Variants in TRIM37 observed in about 807,000 individuals in gnomAD.
TRIM37 encodes the protein E3 ubiquitin-protein ligase TRIM37.
In TRIM37, 80 loss-of-function variants were observed where a neutral mutation model predicts 129.8. The ratio of observed to expected loss-of-function variants is 0.62; its 90% CI spans 0.51 to 0.74. TRIM37 has a LOEUF of 0.74. Ranked by LOEUF, TRIM37 falls within the 30% of genes least tolerant of loss-of-function variation. TRIM37 has a pLI of 0.00. For synonymous variants in TRIM37, 389 were observed against 387.1 expected, an observed-to-expected ratio of 1.00 and a Z score of -0.06; for missense variants, 1,054 against 1,176.5, an observed-to-expected ratio of 0.90 and a Z score of 1.52.
At chr17:59,067,353 A>G (rs2041998295) in intron 9 of TRIM37, among the ~76,000 whole-genome samples, 1 of 152,130 alleles carries the variant, frequency 6.6e-6, no homozygotes. Context: ...TCATCTCATG[A>G]TGGTGTCAGT....
chr17:59,014,295 A>C (rs533665938), intron 21 of TRIM37, among the ~76,000 whole-genome samples: 28 of 152,302 alleles, frequency 1.8e-4, no homozygotes, highest in Non-Finnish European at 2.6e-4. Flanking sequence ...TTTAGGTAAA[A>C]TTCTTTTCAG....
At chr17:59,081,364 G>C in intron 5 of TRIM37, 145 bp from the exon 6 acceptor site, 1 of 1,149,250 alleles carries the variant, frequency 8.7e-7, no homozygotes, top group African/African-American at 1.5e-5. Context: ...TGTTGAAGCA[G>C]GCCAGTGCCC....
At chr17:59,097,093 T>A (rs1436237223) in intron 2 of TRIM37, among the ~76,000 whole-genome samples, 5 of 152,044 alleles carry the variant, frequency 3.3e-5, no homozygotes, top group African/African-American at 1.2e-4. Context: ...AAATACTCAA[T>A]AGAAATAGAA....
At chr17:59,094,067 G>A (rs1462306211) in intron 2 of TRIM37, among the ~76,000 whole-genome samples, 2 of 151,972 alleles carry the variant, frequency 1.3e-5, no homozygotes, top group South Asian at 2.1e-4. Flanking sequence ...GATGGTTTTC[G>A]TATTTTTATT....
chr17:59,050,445 C>A (rs1273508883), intron 14 of TRIM37, among the ~76,000 whole-genome samples: 2 of 152,172 alleles, frequency 1.3e-5, no homozygotes, highest in African/African-American at 4.8e-5. Context: ...GTAATCCCAG[C>A]ACTTTGGGAG....
intron 22 of TRIM37, among the ~76,000 whole-genome samples, chr17:59,006,766 G>GT (rs556830416): frequency 4.6e-4 from 70 of 152,260 alleles, no homozygotes; most frequent in African/African-American, 1.7e-3. Context: ...GCAGATGCCT[G>GT]TAATCCCAGC....
At chr17:58,992,274 T>A (rs1035550967) in intron 24 of TRIM37, among the ~76,000 whole-genome samples, 5 of 143,208 alleles carry the variant, frequency 3.5e-5, no homozygotes, top group African/African-American at 1.0e-4. Flanking sequence ...TATAAATATA[T>A]ATATATTTAT....
chr17:59,012,064 A>T (rs1389224450), intron 22 of TRIM37, among the ~76,000 whole-genome samples: 1 of 152,176 alleles, frequency 6.6e-6, no homozygotes, highest in Non-Finnish European at 1.5e-5. Flanking sequence ...TTTATATAGT[A>T]ACTTACCCAT....
rs551108406 is a variant in TRIM37 at position 59,034,033 on chromosome 17, G to A, written c.1754-1943C>T. On this transcript the variant is annotated intron_variant, in intron 17 of 23. Transcript: ENST00000262294. ...GAGGCAGGAGAATTGCTTGAACCTG[G>A]GAGGCAGAGGTTACAGTGAGCCAAG... 6.4e-4 allele frequency among the ~76,000 whole-genome samples: 97 copies of A among 151,712 alleles called. 1 individual carries two copies. In the South Asian group the frequency reaches 9.2e-3, roughly 14 times the overall value.
chr17:58,977,115 C>T, the TRIM37 span, among the ~76,000 whole-genome samples: 1 of 151,964 alleles, frequency 6.6e-6, no homozygotes, highest in South Asian at 2.1e-4. Context: ...AAATCAAAAG[C>T]ATGCTTGGGA....
At chr17:59,076,506 T>C (rs114737717) in intron 7 of TRIM37, among the ~76,000 whole-genome samples, 1,566 of 152,326 alleles carry the variant, frequency 0.01, 27 homozygotes, top group African/African-American at 0.035. Flanking sequence ...TGAGCCTTGA[T>C]TGCACCACTG....
rs183867611 is a variant in TRIM37 at position 59,004,511 on chromosome 17, C to A, written c.2696-2797G>T. Among the ~76,000 whole-genome samples the A allele has an allele frequency of 1.2e-3, 183 of 152,130 alleles. 1 individual carries two copies. Among genetic ancestry groups the A allele is most frequent in the African/African-American group, 4.0e-3 (166 of 41,542 alleles). On this transcript the variant is annotated intron_variant, in intron 22 of 23. Coordinates refer to ENST00000262294, the MANE Select transcript of TRIM37 (RefSeq NM_015294.6). ...ACCACAATGAAACAAAATGGTGTTT[C>A]TTTGAAAAGATCGATAAAGTTAAAA...
chr17:59,086,284 C>A (rs2043746517), intron 4 of TRIM37, among the ~76,000 whole-genome samples: 1 of 149,208 alleles, frequency 6.7e-6, no homozygotes, highest in Admixed American at 6.7e-5. Context: ...GTCATCCAGG[C>A]TGGAATGAAG....
intron 13 of TRIM37, among the ~76,000 whole-genome samples, chr17:59,056,518 A>G (rs2040884586): frequency 6.6e-6 from 1 of 151,836 alleles, no homozygotes; most frequent in Non-Finnish European, 1.5e-5. Context: ...TCACGAGGTC[A>G]GGAGATCGAG....
At chr17:59,084,126 A>G in intron 4 of TRIM37, 37 bp from the exon 5 acceptor site, 1 of 1,524,462 alleles carries the variant, frequency 6.6e-7, no homozygotes, top group East Asian at 2.3e-5. Flanking sequence ...TTATAAATTA[A>G]ATTGGAACAT....
At chr17:59,067,978 A>C (rs1021848957) in intron 9 of TRIM37, among the ~76,000 whole-genome samples, 1 of 152,244 alleles carries the variant, frequency 6.6e-6, no homozygotes, top group Non-Finnish European at 1.5e-5. Context: ...AACTGATAGA[A>C]CTAAAGGCAA....
At chr17:59,012,541 G>A (rs977418272) in intron 21 of TRIM37, 95 bp from the exon 22 acceptor site, 26 of 822,052 alleles carry the variant, frequency 3.2e-5, no homozygotes, top group East Asian at 2.9e-4. Flanking sequence ...AGTAGGGTAC[G>A]TGCTCTGGTG....
chr17:59,007,011 G>C (rs1232899957), intron 22 of TRIM37, among the ~76,000 whole-genome samples: 1 of 152,018 alleles, frequency 6.6e-6, no homozygotes, highest in Admixed American at 6.6e-5. Flanking sequence ...GAGATATATA[G>C]AATAAATCAA....
downstream of TRIM37, among the ~76,000 whole-genome samples, chr17:58,979,202 C>T (rs139811842): frequency 9.9e-4 from 151 of 152,094 alleles, no homozygotes; most frequent in South Asian, 7.1e-3. Context: ...AGAAGTGGGG[C>T]GATGAGCAGA....
Sources: allele counts gnomAD v4.1 joint callset (sites outside exome capture counted in the v4.1 genomes callset), GRCh38; gene constraint gnomAD v4.1.1; transcripts MANE v1.5; gene names NCBI Gene and HGNC (gene_info 2026-07-23, HGNC 2026-07-21).